Variants in LPP observed in about 807,000 individuals in gnomAD.
The protein encoded by LPP is LIM domain containing preferred translocation partner in lipoma.
LPP carries 38 observed loss-of-function variants against 60.4 expected under a neutral mutation model. The ratio of observed to expected loss-of-function variants is 0.63; its 90% CI spans 0.49 to 0.83. LPP has a LOEUF of 0.83. Among genes scored for constraint, LPP ranks in the 40% least tolerant of loss-of-function variants. LPP has a pLI of 0.00. For synonymous variants in LPP, 328 were observed against 290.8 expected (o/e 1.13, Z -1.30); for missense variants, 902 against 783.6 (o/e 1.15, Z -1.80).
intron 2 of LPP, among the ~76,000 whole-genome samples, chr3:188,332,008 TTTTC>T (rs1437279921): frequency 6.6e-6 from 1 of 152,212 alleles, no homozygotes; most frequent in Non-Finnish European, 1.5e-5. Flanking sequence ...CAACAACTCC[TTTTC>T]TTTTTCACAC....
Position 188,808,866 on chromosome 3 carries a change from G to C in LPP, c.1410+48584G>C, listed in dbSNP as rs115530437. Among the ~76,000 whole-genome samples, 340 of 152,176 alleles carry C rather than the reference G, an allele frequency of 2.2e-3. 2 individuals are homozygous for C. The highest frequency in any genetic ancestry group is 7.9e-3 in the African/African-American group (330 of 41,522). ...CCCCCAACAGGCTCAGATGTATGTT[G>C]TGCTTCTCCCTGTGTCCATGTGATC... On this transcript the variant is annotated intron_variant, in intron 9 of 11. Transcript: ENST00000617246.
intron 9 of LPP, among the ~76,000 whole-genome samples, chr3:188,791,950 A>G (rs1743901971): frequency 6.6e-6 from 1 of 152,114 alleles, no homozygotes; most frequent in African/African-American, 2.4e-5. Context: ...CCTGGTGCTT[A>G]ACACATAGTA....
intron 2 of LPP, among the ~76,000 whole-genome samples, chr3:188,282,987 G>T (rs1426294979): frequency 6.6e-6 from 1 of 152,188 alleles, no homozygotes; most frequent in Non-Finnish European, 1.5e-5. Context: ...GAGGAGGCCT[G>T]AGGGGTTGGA....
intron 9 of LPP, among the ~76,000 whole-genome samples, chr3:188,811,198 C>A (rs1044657406): frequency 2.0e-5 from 3 of 151,962 alleles, no homozygotes. Context: ...CATAGGATAT[C>A]ATTTAGACTG....
intron 3 of LPP, among the ~76,000 whole-genome samples, chr3:188,385,443 T>C (rs998034664): frequency 6.6e-6 from 1 of 152,086 alleles, no homozygotes. Context: ...TGAGGGTTAA[T>C]TGGGCTGAGT....
At chr3:188,513,610 G>C (rs1019497047) in intron 5 of LPP, among the ~76,000 whole-genome samples, 1 of 151,726 alleles carries the variant, frequency 6.6e-6, no homozygotes, top group African/African-American at 2.4e-5. Flanking sequence ...ATTGTAAGGG[G>C]TTACTTTAAA....
rs1014116086 is a variant in LPP at position 188,609,782 on chromosome 3, C to G, written c.1051C>G (p.Pro351Ala). 2.5e-6 allele frequency: 4 copies of G among 1,613,980 alleles called. No individual in the cohort carries two copies. The highest frequency in any genetic ancestry group is 3.4e-6 in the Non-Finnish European group (4 of 1,179,970). Residue 351 changes from proline (P) to alanine (A), a missense_variant, in exon 7 of 12, where the codon CCC (proline) becomes GCC (alanine). Coordinates refer to ENST00000617246, the MANE Select transcript of LPP (RefSeq NM_001375462.1). The surrounding 1 kb of genome is among the most constrained non-coding windows in gnomAD (Gnocchi z 6.9). ...NPPGMYPVTG[P>A]KKTYITDPVS... ...TCCTGGGATGTATCCAGTCACTGGT[C>G]CCAAGAAGACCTATATCACAGATCC... is the stretch of plus-strand genomic sequence containing the variant.
intron 4 of LPP, among the ~76,000 whole-genome samples, chr3:188,439,836 C>T (rs1186520940): frequency 6.6e-6 from 1 of 152,154 alleles, no homozygotes; most frequent in Non-Finnish European, 1.5e-5. Context: ...AAAACAAGTT[C>T]AGAGAATACA....
Position 188,260,502 on chromosome 3 carries a change from A to G in LPP, c.-67+34975A>G, listed in dbSNP as rs540752443. ...AAGTGGGCTGTTTATTATTATTATT[A>G]TTATTAATCACCATTGTCACTGATA... On this transcript the variant is annotated intron_variant, in intron 2 of 11. Transcript: ENST00000617246. 7.2e-4 allele frequency among the ~76,000 whole-genome samples: 110 copies of G among 152,078 alleles called. 1 individual carries two copies. The highest frequency in any genetic ancestry group is 3.4e-3 in the Middle Eastern group (1 of 294).
intron 8 of LPP, among the ~76,000 whole-genome samples, chr3:188,730,351 G>A (rs978122512): frequency 6.6e-6 from 1 of 152,194 alleles, no homozygotes; most frequent in Non-Finnish European, 1.5e-5. Context: ...CCAAGTGCCA[G>A]TGCCCAGGCT....
intron 7 of LPP, among the ~76,000 whole-genome samples, chr3:188,616,989 A>G (rs914522503): frequency 8.5e-5 from 13 of 152,180 alleles, no homozygotes; most frequent in Non-Finnish European, 1.8e-4. Flanking sequence ...AAGACTTCTT[A>G]GGCAATTCTA....
rs1161132902 is a variant in LPP, at chr3:188,721,577, A to T, written c.1240+13184A>T. On this transcript the variant is annotated intron_variant, in intron 8 of 11. Transcript: ENST00000617246. ...TCAACAAAACAAAACAAAACAAAAAACAAAGTTCATTTCATGCACCAGCTA... is the reference window on the plus strand; with the variant it reads ...TCAACAAAACAAAACAAAACAAAAATCAAAGTTCATTTCATGCACCAGCTA... Among the ~76,000 whole-genome samples, 3 of 152,230 alleles carry T rather than the reference A, an allele frequency of 2.0e-5. No individual in the cohort carries two copies. In the East Asian group the frequency reaches 5.8e-4, roughly 29 times the overall value.
chr3:188,836,421 G>T lies in LPP; in HGVS notation c.1411-29779G>T, dbSNP rs146741292. On this transcript the variant is annotated intron_variant, in intron 9 of 11. Coordinates refer to ENST00000617246, the MANE Select transcript of LPP (RefSeq NM_001375462.1). ...TGATAAACATTTGGCATTCCATGACGTTTCAGCTTTGTCAACTTTCCAATC... is the reference window on the plus strand; with the variant it reads ...TGATAAACATTTGGCATTCCATGACTTTTCAGCTTTGTCAACTTTCCAATC... 4.1e-3 allele frequency among the ~76,000 whole-genome samples: 632 copies of T among 152,292 alleles called. 6 individuals are homozygous for T. The highest frequency in any genetic ancestry group is 0.015 in the African/African-American group (612 of 41,564).
intron 1 of LPP, among the ~76,000 whole-genome samples, chr3:188,164,038 C>G (rs893827263): frequency 2.6e-5 from 4 of 151,676 alleles, no homozygotes; most frequent in Non-Finnish European, 5.9e-5. Context: ...AGATCGTAAG[C>G]ACTTACTATT....
At chr3:188,186,623 A>G (rs1182224153) in intron 1 of LPP, among the ~76,000 whole-genome samples, 3 of 151,730 alleles carry the variant, frequency 2.0e-5, no homozygotes, top group African/African-American at 7.3e-5. Flanking sequence ...GTGCTATAAT[A>G]CAGGCTTACA....
chr3:188,726,871 A>G (rs1376321186), intron 8 of LPP, among the ~76,000 whole-genome samples: 1 of 152,244 alleles, frequency 6.6e-6, no homozygotes, highest in Admixed American at 6.5e-5. Flanking sequence ...AGCAGCTAAA[A>G]AAAGTAAATA....
chr3:188,526,167 C>T (rs1820523641), intron 6 of LPP, among the ~76,000 whole-genome samples: 1 of 152,216 alleles, frequency 6.6e-6, no homozygotes, highest in Admixed American at 6.5e-5. Context: ...AGCCTCACTC[C>T]AGTTCTTGAG....
intron 2 of LPP, among the ~76,000 whole-genome samples, chr3:188,273,686 C>G (rs1405621964): frequency 1.3e-5 from 2 of 148,352 alleles, no homozygotes; most frequent in African/African-American, 5.0e-5. Flanking sequence ...ACCTCCACCT[C>G]CTGGGTTCAA....
rs150369285 is a variant in LPP, at chr3:188,610,726, T to G, written c.1113+882T>G. On this transcript the variant is annotated intron_variant, in intron 7 of 11. Transcript: ENST00000617246. The surrounding 1 kb of genome is among the most constrained non-coding windows in gnomAD (Gnocchi z 4.4). Reference sequence around the variant, plus strand: ...ACTCACCACAACTTGGATTTTTCATTAGTACTGGAACCAACACGATGTTGA... The same window carrying G: ...ACTCACCACAACTTGGATTTTTCATGAGTACTGGAACCAACACGATGTTGA... Among the ~76,000 whole-genome samples, 447 of 152,300 alleles carry G rather than the reference T, an allele frequency of 2.9e-3. 1 individual carries two copies. Among genetic ancestry groups the G allele is most frequent in the African/African-American group, 9.7e-3 (403 of 41,574 alleles).
Sources: gnomAD v4.1 joint callset for allele counts (sites outside exome capture counted in the v4.1 genomes callset) on GRCh38, gnomAD v4.1.1 for gene constraint, Gnocchi (gnomAD v3.1) non-coding constraint, MANE v1.5 for transcripts, NCBI Gene and HGNC (gene_info 2026-07-23, HGNC 2026-07-21) for gene names.